ALDH1L1: variants seen among roughly 807,000 people sequenced by gnomAD.
The protein encoded by ALDH1L1 is cytosolic 10-formyltetrahydrofolate dehydrogenase.
A neutral mutation model predicts 101.1 loss-of-function variants in ALDH1L1; 68 were observed. The observed-to-expected ratio is 0.67, with a 90% CI of 0.55 to 0.82. The LOEUF is 0.82. Ranked by LOEUF, ALDH1L1 falls within the 40% of genes least tolerant of loss-of-function variation. The pLI, the probability that ALDH1L1 is intolerant of heterozygous loss-of-function variation, is 0.00. For missense variants in ALDH1L1, 1,087 were observed against 1,172.7 expected (o/e 0.93, Z 1.07); for synonymous variants, 486 against 470.8 (o/e 1.03, Z -0.42).
intron 14 of ALDH1L1, among the ~76,000 whole-genome samples, chr3:126,126,968 A>G (rs2080200128): frequency 6.6e-6 from 1 of 152,178 alleles, no homozygotes; most frequent in African/African-American, 2.4e-5. Context: ...GTCTCCCTGC[A>G]AGCCAAGGAA....
At chr3:126,163,465 C>G (rs947378548) in intron 1 of ALDH1L1, among the ~76,000 whole-genome samples, 1 of 152,326 alleles carries the variant, frequency 6.6e-6, no homozygotes, top group East Asian at 1.9e-4. Flanking sequence ...AATATATCCA[C>G]TACAATATTG....
intron 9 of ALDH1L1, among the ~76,000 whole-genome samples, chr3:126,138,477 C>T (rs1376927508): frequency 1.3e-5 from 2 of 152,128 alleles, no homozygotes; most frequent in Admixed American, 6.5e-5. Context: ...AAAGATTGAA[C>T]AGATGCCTCT....
At chr3:126,121,772 A>G (rs2080084089) in intron 16 of ALDH1L1, among the ~76,000 whole-genome samples, 1 of 152,090 alleles carries the variant, frequency 6.6e-6, no homozygotes, top group Non-Finnish European at 1.5e-5. Flanking sequence ...GGGAAGCTCC[A>G]CTCCAGGCAG....
At chr3:126,183,322 A>G (rs2081491794), upstream of ALDH1L1, among the ~76,000 whole-genome samples, 1 of 152,210 alleles carries the variant, frequency 6.6e-6, no homozygotes, top group African/African-American at 2.4e-5. Context: ...AACATTTTTA[A>G]AAGAATTATA....
Position 126,131,298 on chromosome 3 carries a change from G to A in ALDH1L1, c.1623+86C>T, listed in dbSNP as rs955521805. On this transcript the variant is annotated intron_variant, in intron 13 of 22. Transcript: ENST00000393434. ...GTTGTGGTCATTTGCTGCGCAGCATGCAGATGACTGTGCTGCCCTTGGAGT... is the reference window on the plus strand; with the variant it reads ...GTTGTGGTCATTTGCTGCGCAGCATACAGATGACTGTGCTGCCCTTGGAGT... 8.5e-6 allele frequency: 12 copies of A among 1,419,556 alleles called. No homozygotes were observed. The African/African-American group carries it at 1.1e-4, about 14-fold the overall frequency. 87.9% of individuals were successfully genotyped at this position (1,419,556 alleles called of 1,614,324 possible). A position where few individuals can be genotyped will look rare whatever the true frequency, so the allele number is the denominator to read the frequency against.
chr3:126,164,164 G>A (rs938665292), intron 1 of ALDH1L1, among the ~76,000 whole-genome samples: 5 of 152,082 alleles, frequency 3.3e-5, no homozygotes, highest in South Asian at 2.1e-4. Flanking sequence ...AAGGTAGGGC[G>A]GGGCAGGGCA....
chr3:126,107,018 G>T, intron 21 of ALDH1L1, 123 bp downstream of exon 21: 2 of 873,194 alleles, frequency 2.3e-6, no homozygotes, highest in South Asian at 1.5e-5. Flanking sequence ...GGTGTCCACG[G>T]CTTGCGCCCT....
At chr3:126,189,576 G>A (rs2081540532) in intron 1 of ALDH1L1, among the ~76,000 whole-genome samples, 1 of 152,184 alleles carries the variant, frequency 6.6e-6, no homozygotes, top group African/African-American at 2.4e-5. Flanking sequence ...GGGTTCCAGG[G>A]CAATCTTTCT....
intron 1 of ALDH1L1, among the ~76,000 whole-genome samples, chr3:126,170,852 A>G: frequency 6.6e-6 from 1 of 152,314 alleles, no homozygotes; most frequent in Admixed American, 6.5e-5. Context: ...CACGGATAAG[A>G]CAGCTGGGAC....
At chr3:126,191,326 G>A (rs1284124132) in intron 1 of ALDH1L1, among the ~76,000 whole-genome samples, 1 of 152,236 alleles carries the variant, frequency 6.6e-6, no homozygotes, top group African/African-American at 2.4e-5. Flanking sequence ...TGATATGGCA[G>A]CTGTGGCTAC....
At position 126,112,044 on chromosome 3, in the gene ALDH1L1, C is replaced by T. The variant is rs1033096331; in HGVS notation, c.2181+738G>A. Among the ~76,000 whole-genome samples, 9 of 152,278 alleles carry T rather than the reference C, an allele frequency of 5.9e-5. No individual in the cohort carries two copies. The East Asian group carries it at 7.7e-4, about 13-fold the overall frequency. On this transcript the variant is annotated intron_variant, in intron 19 of 22. Transcript: ENST00000393434. ...ATCAGCCCCATACTCCCACCATATC[C>T]GAGCTGCTTGGAGAGGATGAAGCCA...
chr3:126,128,926 C>CGACCT (rs2080241403), intron 14 of ALDH1L1: 1 of 113,860 alleles, frequency 8.8e-6, no homozygotes, highest in African/African-American at 3.4e-5. Flanking sequence ...GGCCACGACC[C>CGACCT]GCCCTGCCCT....
rs1946128706 is a variant in ALDH1L1 at position 126,112,945 on chromosome 3, C to T, written c.2083-65G>A. 21 of 1,479,998 alleles carry T rather than the reference C, an allele frequency of 1.4e-5. No homozygotes were observed. The South Asian group carries it at 2.3e-4, about 16-fold the overall frequency. 91.7% of individuals were successfully genotyped at this position (1,479,998 alleles called of 1,614,324 possible). On this transcript the variant is annotated intron_variant, in intron 18 of 22. Coordinates refer to ENST00000393434, the MANE Select transcript of ALDH1L1 (RefSeq NM_012190.4). ...CTGGGACACCAGCCCCCGGCTCTGCCAGGGCCCAGCCGCCTCTTCTAATTA... is the reference window on the plus strand; with the variant it reads ...CTGGGACACCAGCCCCCGGCTCTGCTAGGGCCCAGCCGCCTCTTCTAATTA...
At chr3:126,163,583 C>G (rs1357744560) in intron 1 of ALDH1L1, among the ~76,000 whole-genome samples, 1 of 152,174 alleles carries the variant, frequency 6.6e-6, no homozygotes, top group Admixed American at 6.5e-5. Flanking sequence ...GATAGACTAG[C>G]ATATTATGAA....
chr3:126,157,578 C>A (rs192780583), intron 3 of ALDH1L1, 70 bp from the exon 4 acceptor site: 1 of 1,527,362 alleles, frequency 6.5e-7, no homozygotes, highest in East Asian at 2.3e-5. Flanking sequence ...GGTACAGGCC[C>A]GTGGACCTGC....
intron 16 of ALDH1L1, among the ~76,000 whole-genome samples, chr3:126,118,714 A>G (rs1263036351): frequency 6.6e-6 from 1 of 152,062 alleles, no homozygotes; most frequent in Non-Finnish European, 1.5e-5. Context: ...TCGAACAGAG[A>G]CCCAAGGATG....
At chr3:126,171,466 G>C (rs1433436122) in intron 1 of ALDH1L1, among the ~76,000 whole-genome samples, 1 of 109,780 alleles carries the variant, frequency 9.1e-6, no homozygotes, top group Non-Finnish European at 2.0e-5. Context: ...CAGTCTGTAA[G>C]AGAGTGTGCC....
chr3:126,142,843 G>A (rs755624978), intron 9 of ALDH1L1, among the ~76,000 whole-genome samples: 8 of 152,154 alleles, frequency 5.3e-5, no homozygotes, highest in Admixed American at 1.3e-4. Context: ...CCTTACCCAC[G>A]GGCAGGGTCG....
At position 126,135,814 on chromosome 3, in the gene ALDH1L1, C is replaced by T. The variant is rs563680970; in HGVS notation, c.1345-152G>A. On this transcript the variant is annotated intron_variant, in intron 11 of 22. Transcript: ENST00000393434. ...AGGAGAAGCATGGCCAAAGGACAAC[C>T]CTGGGAGGGTTTACACAGGAAGGGA... 4.0e-6 allele frequency: 4 copies of T among 998,272 alleles called. No individual in the cohort carries two copies. In the South Asian group the frequency reaches 8.2e-5, roughly 20 times the overall value. The allele number at this position is 998,272 out of a possible 1,614,324, so 61.8% of individuals were successfully genotyped here.
Sources: allele counts gnomAD v4.1 joint callset (sites outside exome capture counted in the v4.1 genomes callset), GRCh38; gene constraint gnomAD v4.1.1; transcripts MANE v1.5; gene names NCBI Gene and HGNC (gene_info 2026-07-23, HGNC 2026-07-21).